The following CCDC171 variants were observed in gnomAD, a reference collection of about 807,000 sequenced individuals.
The protein encoded by CCDC171 is coiled-coil domain-containing protein 171.
In CCDC171, 177 loss-of-function variants were observed where a neutral mutation model predicts 168.2. That is an observed-to-expected ratio of 1.05 (90% CI 0.93 to 1.19). The LOEUF (loss-of-function observed/expected upper bound fraction) is 1.19, where lower values mean the gene tolerates loss of function less well. Among genes scored for constraint, CCDC171 ranks in the 50% most tolerant of loss-of-function variants. The pLI is 0.00. For synonymous variants in CCDC171, 687 were observed against 540.8 expected (o/e 1.27, Z -3.75); for missense variants, 1,991 against 1,539.0 (o/e 1.29, Z -4.91).
At chr9:15,984,057 A>G (rs1332654834) in intron 3 of CCDC171, among the ~76,000 whole-genome samples, 1 of 55,126 alleles carries the variant, frequency 1.8e-5, no homozygotes, top group Admixed American at 1.5e-4. Context: ...AGACTACAGT[A>G]TAGTTTCACA....
intron 8 of CCDC171, among the ~76,000 whole-genome samples, chr9:16,037,483 A>G (rs778099228): frequency 6.6e-6 from 1 of 152,206 alleles, no homozygotes; most frequent in Non-Finnish European, 1.5e-5. Context: ...TTCCCATGAG[A>G]GAGAACCAGT....
chr9:15,843,498 G>C (rs1374315432), intron 21 of CCDC171, among the ~76,000 whole-genome samples: 1 of 151,960 alleles, frequency 6.6e-6, no homozygotes, highest in East Asian at 1.9e-4. Flanking sequence ...TACAAAATGA[G>C]GGCTGTATTG....
At chr9:15,710,860 G>C (rs1197787511) in intron 11 of CCDC171, among the ~76,000 whole-genome samples, 1 of 152,168 alleles carries the variant, frequency 6.6e-6, no homozygotes, top group Non-Finnish European at 1.5e-5. Context: ...GCCTCCCAAA[G>C]TGCTGAGATT....
intron 18 of CCDC171, among the ~76,000 whole-genome samples, chr9:15,745,874 T>C (rs1277048006): frequency 1.3e-5 from 2 of 152,176 alleles, no homozygotes; most frequent in Admixed American, 6.5e-5. Context: ...TTTTTTTCTA[T>C]CTGTTTTTCC....
chr9:15,880,928 A>AAAGTC (rs1450514641), intron 24 of CCDC171, among the ~76,000 whole-genome samples: 1 of 152,230 alleles, frequency 6.6e-6, no homozygotes, highest in Non-Finnish European at 1.5e-5. Context: ...ATTAGCTGGC[A>AAAGTC]AAGTCATATA....
chr9:15,790,710 T>C (rs1210361188), intron 21 of CCDC171, among the ~76,000 whole-genome samples: 3 of 152,216 alleles, frequency 2.0e-5, no homozygotes, highest in African/African-American at 4.8e-5. Flanking sequence ...GGTTTTCTTC[T>C]AGGGTTTTTA....
intron 21 of CCDC171, among the ~76,000 whole-genome samples, chr9:15,842,406 C>T (rs1049169598): frequency 6.6e-6 from 1 of 152,044 alleles, no homozygotes; most frequent in African/African-American, 2.4e-5. Flanking sequence ...AACGTTTGTA[C>T]TGTACCACAT....
intron 3 of CCDC171, among the ~76,000 whole-genome samples, chr9:16,005,043 C>T (rs1234588604): frequency 6.6e-6 from 1 of 152,100 alleles, no homozygotes; most frequent in African/African-American, 2.4e-5. Context: ...ACATATAATT[C>T]ACCCATTAAA....
At chr9:16,032,418 AG>A (rs1386121643) in intron 6 of CCDC171, among the ~76,000 whole-genome samples, 2 of 152,128 alleles carry the variant, frequency 1.3e-5, no homozygotes, top group Admixed American at 6.5e-5. Flanking sequence ...AGGGAGGAGA[AG>A]GGTCACTGGC....
chr9:15,583,162 A>C (rs763360354), intron 4 of CCDC171, among the ~76,000 whole-genome samples: 1 of 152,096 alleles, frequency 6.6e-6, no homozygotes, highest in Non-Finnish European at 1.5e-5. Context: ...CACGCCTGTA[A>C]TCCCAGCACT....
chr9:15,664,129 G>A (rs2048537091), intron 8 of CCDC171, among the ~76,000 whole-genome samples: 1 of 152,118 alleles, frequency 6.6e-6, no homozygotes, highest in East Asian at 1.9e-4. Context: ...CTGGAAATGG[G>A]GTTGAGGGAT....
chr9:15,684,084 C>T lies in CCDC171; in HGVS notation c.1215+5188C>T, dbSNP rs143537265. 2.0e-5 allele frequency among the ~76,000 whole-genome samples: 3 copies of T among 152,032 alleles called. No individual in the cohort carries two copies. In the East Asian group the frequency reaches 5.8e-4, roughly 29 times the overall value. On this transcript the variant is annotated intron_variant, in intron 10 of 25. Transcript: ENST00000380701. ...AAAGCTACTCAGACCTCCTTAAGCCCATACAAATGCATTGTGCATATAATG... is the reference window on the plus strand; with the variant it reads ...AAAGCTACTCAGACCTCCTTAAGCCTATACAAATGCATTGTGCATATAATG...
chr9:16,054,837 C>A (rs2133076901), intron 1 of CCDC171, among the ~76,000 whole-genome samples: 1 of 152,258 alleles, frequency 6.6e-6, no homozygotes, highest in East Asian at 1.9e-4. Context: ...GTCCTTCAGG[C>A]ACTAAGGCAA....
chr9:16,003,681 ATGC>A (rs1404294110), intron 3 of CCDC171, among the ~76,000 whole-genome samples: 1 of 152,222 alleles, frequency 6.6e-6, no homozygotes, highest in African/African-American at 2.4e-5. Context: ...AATGAAACTA[ATGC>A]TGCTGATCTC....
At chr9:15,595,278 C>T (rs1402991817) in intron 6 of CCDC171, among the ~76,000 whole-genome samples, 4 of 152,034 alleles carry the variant, frequency 2.6e-5, no homozygotes, top group African/African-American at 9.7e-5. Context: ...AGGTATATAT[C>T]CTAATGCTAT....
chr9:16,021,648 T>A (rs536330938), intron 4 of CCDC171, among the ~76,000 whole-genome samples: 1 of 152,282 alleles, frequency 6.6e-6, no homozygotes, highest in African/African-American at 2.4e-5. Flanking sequence ...AAATTTGTAG[T>A]GGTTGAGGAT....
intron 6 of CCDC171, among the ~76,000 whole-genome samples, chr9:15,612,626 C>G (rs1419398657): frequency 6.6e-6 from 1 of 152,108 alleles, no homozygotes; most frequent in African/African-American, 2.4e-5. Context: ...GAGTGTGCCC[C>G]TGTTCTTGAG....
At chr9:15,618,834 C>T (rs370800837) in intron 6 of CCDC171, among the ~76,000 whole-genome samples, 2 of 151,980 alleles carry the variant, frequency 1.3e-5, no homozygotes, top group South Asian at 4.2e-4. Flanking sequence ...CCGTGGGTTG[C>T]ACCCAGTGCC....
intron 6 of CCDC171, among the ~76,000 whole-genome samples, chr9:15,597,806 A>G (rs548967550): frequency 6.6e-6 from 1 of 152,246 alleles, no homozygotes; most frequent in South Asian, 2.1e-4. Context: ...GCTATTAATT[A>G]TTGCCTCAAT....
Sources: allele counts gnomAD v4.1 joint callset (sites outside exome capture counted in the v4.1 genomes callset), GRCh38; gene constraint gnomAD v4.1.1; transcripts MANE v1.5; gene names NCBI Gene and HGNC (gene_info 2026-07-23, HGNC 2026-07-21).